The following ZNF600 variants were observed in gnomAD, a reference collection of about 807,000 sequenced individuals.
ZNF600 encodes zinc finger protein KR-ZNF1.
In ZNF600, 4 loss-of-function variants were observed where a neutral mutation model predicts 7.3. The observed-to-expected ratio is 0.55, with a 90% CI of 0.27 to 1.25. The LOEUF (loss-of-function observed/expected upper bound fraction) is 1.25. ZNF600 is among the 50% of genes most tolerant of loss of function. ZNF600 has a pLI of 0.12. For missense variants in ZNF600, 911 were observed against 922.1 expected, an observed-to-expected ratio of 0.99 and a Z score of 0.16; for synonymous variants, 290 against 308.9, an observed-to-expected ratio of 0.94 and a Z score of 0.64.
the ZNF600 span, among the ~76,000 whole-genome samples, chr19:52,795,532 G>A: frequency 6.6e-6 from 1 of 152,074 alleles, no homozygotes; most frequent in African/African-American, 2.4e-5. Context: ...GACTTCGTAA[G>A]ATTATACCAA....
Position 52,766,177 on chromosome 19 carries a change from TG to T in ZNF600, c.1785del (p.Tyr595Ter), listed in dbSNP as rs2062573381. 1.2e-6 allele frequency: 2 copies of T among 1,614,142 alleles called. No homozygotes were observed. Among genetic ancestry groups the T allele is most frequent in the Non-Finnish European group, 1.7e-6 (2 of 1,180,012 alleles). On this transcript the variant is annotated frameshift_variant, in exon 4 of 4. Transcript: ENST00000648973. LOFTEE classifies it low-confidence loss of function (END_TRUNC). ...AAGGTCTTGCTGCACTCATTACACT[TG>T]TAAGGTTTCTCACCACTATGAACTC...
At chr19:52,767,899 G>A (rs1445087608) in intron 3 of ZNF600, 127 bp from the exon 6 acceptor site, 1 of 1,320,376 alleles carries the variant, frequency 7.6e-7, no homozygotes. Flanking sequence ...CAAAGTTTAG[G>A]AACACAAAAG....
the ZNF600 span, among the ~76,000 whole-genome samples, chr19:52,820,369 G>C: frequency 7.4e-6 from 1 of 134,580 alleles, no homozygotes; most frequent in Non-Finnish European, 1.5e-5. Context: ...CACCCGCCTC[G>C]GCCTCCCAAA....
the ZNF600 span, chr19:52,817,844 T>C: frequency 1.3e-6 from 2 of 1,584,972 alleles, no homozygotes; most frequent in South Asian, 1.1e-5. Context: ...AGCAAACATA[T>C]CAGGCAGGAC....
chr19:52,778,444 T>C (rs192073262), intron 2 of ZNF600, among the ~76,000 whole-genome samples: 6 of 152,326 alleles, frequency 3.9e-5, no homozygotes, highest in Non-Finnish European at 2.9e-5. Flanking sequence ...ATTTACTAGA[T>C]ATCTGTGTAC....
exon 4 of ZNF600, chr19:52,764,662 C>A (rs1301709868): frequency 6.6e-6 from 1 of 152,020 alleles, no homozygotes; most frequent in Non-Finnish European, 1.5e-5. Flanking sequence ...GGACTACAGG[C>A]ACCTGCCACC....
chr19:52,821,941 A>T, the ZNF600 span, among the ~76,000 whole-genome samples: 1 of 142,812 alleles, frequency 7.0e-6, no homozygotes, highest in African/African-American at 2.7e-5. Context: ...ATAAAAAAAA[A>T]ATTTGCTTGT....
intron 3 of ZNF600, among the ~76,000 whole-genome samples, chr19:52,770,980 T>A (rs183702242): frequency 4.9e-4 from 75 of 152,212 alleles, no homozygotes; most frequent in Non-Finnish European, 9.7e-4. Context: ...ATTACAGGCA[T>A]GTGCAATCAT....
At chr19:52,809,483 G>C in the ZNF600 span, among the ~76,000 whole-genome samples, 14 of 152,320 alleles carry the variant, frequency 9.2e-5, no homozygotes, top group Admixed American at 2.0e-4. Flanking sequence ...CTTGAGGGTG[G>C]AGGGTGGGAG....
At chr19:52,764,795 A>C (rs2062555681) in exon 4 of ZNF600, 1 of 156,298 alleles carries the variant, frequency 6.4e-6, no homozygotes, top group African/African-American at 2.4e-5. Context: ...GGGATTACTT[A>C]CATGAGCCTC....
At chr19:52,798,454 G>T in the ZNF600 span, 1 of 443,432 alleles carries the variant, frequency 2.3e-6, no homozygotes, top group South Asian at 1.8e-5. Flanking sequence ...TCTCCAAAAG[G>T]AATTGTCTGA....
the ZNF600 span, among the ~76,000 whole-genome samples, chr19:52,817,655 C>T: frequency 6.6e-6 from 1 of 152,116 alleles, no homozygotes; most frequent in African/African-American, 2.4e-5. Flanking sequence ...CCTGAACAAA[C>T]CCTGCTGCCC....
chr19:52,800,161 G>T, the ZNF600 span: 1 of 1,610,130 alleles, frequency 6.2e-7, no homozygotes, highest in Non-Finnish European at 8.5e-7. Flanking sequence ...TGTGATTTGC[G>T]ACTGAAAACT....
chr19:52,766,193 A>T, exon 4 of ZNF600: 1 of 1,614,084 alleles, frequency 6.2e-7, no homozygotes. Context: ...GTTTCTCACC[A>T]CTATGAACTC....
the ZNF600 span, chr19:52,810,333 T>G: frequency 1.2e-6 from 2 of 1,602,708 alleles, no homozygotes; most frequent in South Asian, 2.2e-5. Context: ...CAATGTGGAC[T>G]GCGGTGCAAC....
the ZNF600 span, chr19:52,799,218 AT>A: frequency 2.6e-6 from 1 of 390,086 alleles, no homozygotes; most frequent in Non-Finnish European, 5.0e-6. Context: ...TGCCTTTTGA[AT>A]TACAAGGTAT....
chr19:52,811,914 GCCGCC>G, the ZNF600 span, among the ~76,000 whole-genome samples: 1 of 114,048 alleles, frequency 8.8e-6, no homozygotes, highest in Admixed American at 8.0e-5. Flanking sequence ...CGCCCGGCCA[GCCGCC>G]CTATCCAGGA....
chr19:52,828,867 A>C, the ZNF600 span, among the ~76,000 whole-genome samples: 29 of 152,000 alleles, frequency 1.9e-4, no homozygotes, highest in Admixed American at 7.2e-4. Context: ...TTATTTCTTT[A>C]TTTATTTTTT....
At chr19:52,811,885 G>T in the ZNF600 span, among the ~76,000 whole-genome samples, 1 of 132,808 alleles carries the variant, frequency 7.5e-6, no homozygotes, top group Non-Finnish European at 1.6e-5. Flanking sequence ...CCGGGAGGGA[G>T]GTGGGGGGGA....
Sources: gnomAD v4.1 joint callset for allele counts (sites outside exome capture counted in the v4.1 genomes callset) on GRCh38, gnomAD v4.1.1 for gene constraint, MANE v1.5 for transcripts, NCBI Gene and HGNC (gene_info 2026-07-23, HGNC 2026-07-21) for gene names.